WIPI2: variants seen among roughly 807,000 people sequenced by gnomAD.
The protein encoded by WIPI2 is WD repeat domain, phosphoinositide interacting 2, also known as WD repeat domain phosphoinositide-interacting protein 2.
Under a neutral mutation model 52.3 loss-of-function variants are expected in WIPI2, and 28 were observed. The observed-to-expected ratio is 0.54, with a 90% CI of 0.40 to 0.73. The LOEUF is 0.73. Among genes scored for constraint, WIPI2 ranks in the 30% least tolerant of loss-of-function variants. The pLI, the probability that WIPI2 is intolerant of heterozygous loss-of-function variation, is 0.00. For missense variants in WIPI2, 506 were observed against 602.9 expected (o/e 0.84, Z 1.68); for synonymous variants, 268 against 245.0 (o/e 1.09, Z -0.88).
Position 5,232,521 on chromosome 7 carries a change from C to T in WIPI2, c.*1574C>T. On this transcript the variant is annotated 3_prime_UTR_variant, in exon 13 of 13. Coordinates refer to ENST00000288828, the MANE Select transcript of WIPI2 (RefSeq NM_015610.4). ...TTCCTTCAAAACCTGCTTGTCTGTC[C>T]TGGACCTTTGATGAAATGGGATCCC... 2.5e-6 allele frequency: 1 copy of T among 393,082 alleles called. No homozygotes were observed. The highest frequency in any genetic ancestry group is 4.5e-6 in the Non-Finnish European group (1 of 223,090). The allele number at this position is 393,082 out of a possible 1,614,324, so 24.3% of individuals were successfully genotyped here. A position where few individuals can be genotyped will look rare whatever the true frequency, so the allele number is the denominator to read the frequency against.
intron 3 of WIPI2, among the ~76,000 whole-genome samples, chr7:5,210,990 C>T (rs1400154544): frequency 6.6e-6 from 1 of 152,194 alleles, no homozygotes; most frequent in East Asian, 1.9e-4. Flanking sequence ...CTTAGGGATA[C>T]TCGACGACAC....
intron 2 of WIPI2, among the ~76,000 whole-genome samples, chr7:5,195,316 G>A (rs1222205384): frequency 4.8e-5 from 7 of 146,082 alleles, no homozygotes; most frequent in East Asian, 2.1e-4. Flanking sequence ...GGGAGACCTC[G>A]ACTCTACACA....
chr7:5,206,386 A>G (rs541222540), intron 3 of WIPI2, among the ~76,000 whole-genome samples: 10 of 152,322 alleles, frequency 6.6e-5, no homozygotes, highest in Non-Finnish European at 1.3e-4. Flanking sequence ...TAGAAAGTTA[A>G]TATTTGTTGG....
intron 3 of WIPI2, among the ~76,000 whole-genome samples, chr7:5,208,201 G>T (rs527963244): frequency 7.0e-4 from 107 of 152,208 alleles, no homozygotes; most frequent in African/African-American, 2.3e-3. Flanking sequence ...CTTGTTGGCC[G>T]TTTATATATC....
At chr7:5,202,723 A>G (rs1444563107) in intron 3 of WIPI2, among the ~76,000 whole-genome samples, 1 of 152,110 alleles carries the variant, frequency 6.6e-6, no homozygotes, top group Non-Finnish European at 1.5e-5. Context: ...GGCGTGAGCC[A>G]CCGCGCCCGG....
Position 5,232,592 on chromosome 7 carries a change from C to G in WIPI2, c.*1645C>G, listed in dbSNP as rs1783777098. 1 of 338,670 alleles carries G rather than the reference C, an allele frequency of 3.0e-6. No individual in the cohort carries two copies. Among genetic ancestry groups the G allele is most frequent in the East Asian group, 4.4e-5 (1 of 22,748 alleles). The allele number at this position is 338,670 out of a possible 1,614,324, so 21.0% of individuals were successfully genotyped here. ...TGGGGACCGCCGAGGCCAGAGTGGGCTATGCTTGAGCAGGGATGAGAAGGG... is the reference window on the plus strand; with the variant it reads ...TGGGGACCGCCGAGGCCAGAGTGGGGTATGCTTGAGCAGGGATGAGAAGGG... On this transcript the variant is annotated 3_prime_UTR_variant, in exon 13 of 13. Transcript: ENST00000288828.
chr7:5,212,424 G>A (rs944268738), intron 3 of WIPI2, among the ~76,000 whole-genome samples: 2 of 152,188 alleles, frequency 1.3e-5, no homozygotes, highest in African/African-American at 4.8e-5. Flanking sequence ...AGTGGCCGGG[G>A]AAGGGCCTTG....
intron 2 of WIPI2, among the ~76,000 whole-genome samples, chr7:5,198,307 CACTT>C (rs1019717957): frequency 5.3e-5 from 8 of 151,486 alleles, no homozygotes; most frequent in African/African-American, 1.9e-4. Flanking sequence ...TTAGAAAATT[CACTT>C]ACTTAACTTT....
chr7:5,227,003 A>C lies in WIPI2; in HGVS notation c.849-177A>C. 1 of 782,130 alleles carries C rather than the reference A, an allele frequency of 1.3e-6. No individual in the cohort carries two copies. The highest frequency in any genetic ancestry group is 2.0e-6 in the Non-Finnish European group (1 of 499,544). The allele number at this position is 782,130 out of a possible 1,614,324, so 48.4% of individuals were successfully genotyped here. A position where few individuals can be genotyped will look rare whatever the true frequency, so the allele number is the denominator to read the frequency against. On this transcript the variant is annotated intron_variant, in intron 9 of 12. Coordinates refer to ENST00000288828, the MANE Select transcript of WIPI2 (RefSeq NM_015610.4). This position sits in a 1 kb window ranked among gnomAD's most constrained non-coding sequence, Gnocchi z 8.1. ...CCCTCCCCCGACACCTCCCAGAGGA[A>C]GCTCCGTGATGCCCCTGGGGCCCTG...
At chr7:5,226,494 C>CT (rs1783440323) in intron 9 of WIPI2, 2 of 154,806 alleles carry the variant, frequency 1.3e-5, no homozygotes, top group African/African-American at 4.8e-5. Context: ...GTACCTGGGA[C>CT]TATAGGCGTG....
chr7:5,200,907 C>G (rs983775817), intron 3 of WIPI2, among the ~76,000 whole-genome samples: 1 of 152,218 alleles, frequency 6.6e-6, no homozygotes, highest in Non-Finnish European at 1.5e-5. Flanking sequence ...TGATCAGCGT[C>G]CCTGACTCAT....
In WIPI2 at chr7:5,229,790, G is replaced by T. The variant is rs761059092; in HGVS notation, c.1252+52G>T. On this transcript the variant is annotated intron_variant, in intron 12 of 12. Transcript: ENST00000288828. ...GGTAATTAGCCCCACAGCCCCGAGTGCTACTGCCTTCTGCTGGCTCCGGAG... is the reference window on the plus strand; with the variant it reads ...GGTAATTAGCCCCACAGCCCCGAGTTCTACTGCCTTCTGCTGGCTCCGGAG... The T allele has an allele frequency of 1.1e-5, 18 of 1,605,970 alleles. No homozygotes were observed. The East Asian group carries it at 3.1e-4, about 28-fold the overall frequency.
chr7:5,194,694 C>CA (rs1781657228), intron 2 of WIPI2, among the ~76,000 whole-genome samples: 1 of 152,174 alleles, frequency 6.6e-6, no homozygotes, highest in Non-Finnish European at 1.5e-5. Context: ...CAACTGGTCT[C>CA]AAACTCCTGG....
At chr7:5,192,064 C>G (rs1479820055) in intron 1 of WIPI2, among the ~76,000 whole-genome samples, 1 of 151,490 alleles carries the variant, frequency 6.6e-6, no homozygotes, top group Non-Finnish European at 1.5e-5. Context: ...GTTTTTTTTT[C>G]TGTTTACAGA....
chr7:5,220,266 A>T (rs1199546464), intron 7 of WIPI2, among the ~76,000 whole-genome samples: 1 of 132,578 alleles, frequency 7.5e-6, no homozygotes, highest in Non-Finnish European at 1.6e-5. Flanking sequence ...TTTGAAACGG[A>T]GTCTTGTTCT....
chr7:5,216,521 G>A, intron 4 of WIPI2, 42 bp from the exon 5 acceptor site: 1 of 1,548,226 alleles, frequency 6.5e-7, no homozygotes, highest in Non-Finnish European at 8.9e-7. Flanking sequence ...GTATTGCACT[G>A]GCCGTTGCTT....
At chr7:5,225,628 C>T (rs370494929) in intron 8 of WIPI2, among the ~76,000 whole-genome samples, 195 bp from the exon 9 acceptor site, 2 of 152,124 alleles carry the variant, frequency 1.3e-5, no homozygotes, top group African/African-American at 4.8e-5. Context: ...GCTGTGTTAA[C>T]GAATTGTTCT....
intron 5 of WIPI2, chr7:5,216,860 T>G (rs2115279636): frequency 1.5e-6 from 1 of 688,714 alleles, no homozygotes; most frequent in East Asian, 2.7e-5. Flanking sequence ...CTTTCAAGTT[T>G]GAGGTTACTG....
At chr7:5,212,662 CA>C (rs1401211553) in intron 3 of WIPI2, among the ~76,000 whole-genome samples, 11 of 152,182 alleles carry the variant, frequency 7.2e-5, no homozygotes, top group Non-Finnish European at 7.3e-5. Flanking sequence ...GCTACACAGG[CA>C]TGCACCACCA....
Sources: gnomAD v4.1 joint callset for allele counts (sites outside exome capture counted in the v4.1 genomes callset) on GRCh38, gnomAD v4.1.1 for gene constraint, Gnocchi (gnomAD v3.1) non-coding constraint, MANE v1.5 for transcripts, NCBI Gene and HGNC (gene_info 2026-07-23, HGNC 2026-07-21) for gene names.